The following NBEA variants were observed in gnomAD, a reference collection of about 807,000 sequenced individuals.
NBEA encodes the protein lysosomal-trafficking regulator 2.
Under a neutral mutation model 343.4 loss-of-function variants are expected in NBEA, and 44 were observed. That is an observed-to-expected ratio of 0.13 (90% CI 0.10 to 0.16). NBEA has a LOEUF of 0.16. NBEA is among the 10% of genes least tolerant of loss of function. The probability of loss-of-function intolerance (pLI) is 1.00; values close to 1 mark genes in which losing one functional copy is unlikely to be tolerated. For synonymous variants in NBEA, 1,175 were observed against 1,238.7 expected, an observed-to-expected ratio of 0.95 and a Z score of 1.08; for missense variants, 2,555 against 3,631.3, an observed-to-expected ratio of 0.70 and a Z score of 7.62.
At chr13:35,501,188 A>G (rs1301916277) in intron 41 of NBEA, among the ~76,000 whole-genome samples, 2 of 152,086 alleles carry the variant, frequency 1.3e-5, no homozygotes, top group African/African-American at 4.8e-5. Flanking sequence ...CCCTTTCAAA[A>G]GCTTTTCAGA....
intron 41 of NBEA, among the ~76,000 whole-genome samples, chr13:35,530,844 T>A (rs2078227779): frequency 1.3e-5 from 2 of 152,178 alleles, no homozygotes; most frequent in Admixed American, 6.5e-5. Context: ...CATGAAAACA[T>A]AGGATCATTA....
At chr13:35,514,144 T>C (rs914632195) in intron 41 of NBEA, among the ~76,000 whole-genome samples, 3 of 152,122 alleles carry the variant, frequency 2.0e-5, no homozygotes, top group Non-Finnish European at 4.4e-5. Flanking sequence ...ACATCAATTT[T>C]ATATAAAAGA....
chr13:35,635,411 T>C (rs922774206), intron 49 of NBEA, among the ~76,000 whole-genome samples: 1 of 152,204 alleles, frequency 6.6e-6, no homozygotes, highest in Non-Finnish European at 1.5e-5. Flanking sequence ...CAACAAATGA[T>C]CACAAAGTGG....
At chr13:35,038,979 T>TTAA (rs1284519286) in intron 1 of NBEA, among the ~76,000 whole-genome samples, 1 of 152,158 alleles carries the variant, frequency 6.6e-6, no homozygotes, top group Non-Finnish European at 1.5e-5. Context: ...CCTTTCAAGT[T>TTAA]TACTTAAACA....
At chr13:34,951,444 T>C (rs180835213) in intron 1 of NBEA, among the ~76,000 whole-genome samples, 1 of 152,302 alleles carries the variant, frequency 6.6e-6, no homozygotes, top group East Asian at 1.9e-4. Context: ...GTTTTAGTTA[T>C]TACCTTGGTC....
At chr13:35,196,631 G>A (rs1045768930) in intron 31 of NBEA, among the ~76,000 whole-genome samples, 2 of 152,072 alleles carry the variant, frequency 1.3e-5, no homozygotes, top group African/African-American at 2.4e-5. Flanking sequence ...ACATAATGGG[G>A]AAGGGGATGG....
intron 41 of NBEA, among the ~76,000 whole-genome samples, chr13:35,547,413 C>CTA (rs1345981416): frequency 1.3e-5 from 2 of 152,164 alleles, no homozygotes; most frequent in Non-Finnish European, 2.9e-5. Context: ...GACCATTATG[C>CTA]TCCCAGGCTG....
intron 22 of NBEA, among the ~76,000 whole-genome samples, chr13:35,161,384 CAT>C (rs2069547319): frequency 6.6e-6 from 1 of 152,124 alleles, no homozygotes; most frequent in Non-Finnish European, 1.5e-5. Context: ...TAGTTGATGA[CAT>C]ATATCCAGTA....
chr13:35,019,086 C>A (rs540890368), intron 1 of NBEA, among the ~76,000 whole-genome samples: 1 of 151,318 alleles, frequency 6.6e-6, no homozygotes, highest in Non-Finnish European at 1.5e-5. Context: ...ATCTTGCACT[C>A]CTGGGATAAA....
intron 41 of NBEA, among the ~76,000 whole-genome samples, chr13:35,493,136 G>A (rs2076557771): frequency 6.6e-6 from 1 of 151,826 alleles, no homozygotes; most frequent in African/African-American, 2.4e-5. Flanking sequence ...GAATTTTGGG[G>A]AAAGAAGACC....
At chr13:35,274,039 A>G (rs1594036049) in intron 34 of NBEA, among the ~76,000 whole-genome samples, 1 of 152,230 alleles carries the variant, frequency 6.6e-6, no homozygotes, top group Non-Finnish European at 1.5e-5. Context: ...ACCTGATACC[A>G]AAGCCTGGCA....
rs1250718026 is a variant in NBEA, at chr13:34,942,844, G to T, written c.24G>T (p.Pro8=). 7.3e-7 allele frequency: 1 copy of T among 1,365,500 alleles called. No homozygotes were observed. Among genetic ancestry groups the T allele is most frequent in the Non-Finnish European group, 9.5e-7 (1 of 1,056,376 alleles). 84.6% of individuals were successfully genotyped at this position (1,365,500 alleles called of 1,614,324 possible). A position where few individuals can be genotyped will look rare whatever the true frequency, so the allele number is the denominator to read the frequency against. ...CAATGGCTAGCGAGAAGCCGGGCCC[G>T]GGCCCGGGGCTCGAGCCTCAGCCCG... MASEKPG[P]GPGLEPQPVG... Residue 8 remains proline (P), a synonymous_variant, in exon 1 of 59, where the codon CCG becomes CCT. Coordinates refer to ENST00000379939, the MANE Select transcript of NBEA (RefSeq NM_001385012.1).
intron 34 of NBEA, among the ~76,000 whole-genome samples, chr13:35,281,268 A>G (rs2035033299): frequency 6.6e-6 from 1 of 152,144 alleles, no homozygotes; most frequent in South Asian, 2.1e-4. Flanking sequence ...AACCTATTTC[A>G]TTCCTATGAA....
chr13:35,319,318 A>G (rs1403565688), intron 36 of NBEA, among the ~76,000 whole-genome samples: 1 of 152,156 alleles, frequency 6.6e-6, no homozygotes, highest in African/African-American at 2.4e-5. Flanking sequence ...CATTGGTTTC[A>G]AAGAATTATT....
chr13:35,594,007 C>A (rs534853125), intron 47 of NBEA, among the ~76,000 whole-genome samples: 2 of 152,194 alleles, frequency 1.3e-5, no homozygotes, highest in East Asian at 1.9e-4. Context: ...AGTAATTTTA[C>A]AGTTGGTACT....
intron 26 of NBEA, 113 bp from the exon 27 acceptor site, chr13:35,173,351 A>G: frequency 1.1e-6 from 1 of 921,248 alleles, no homozygotes; most frequent in Non-Finnish European, 1.5e-6. Context: ...TTTAAGATTA[A>G]TAGTTTATGA....
intron 35 of NBEA, among the ~76,000 whole-genome samples, chr13:35,294,025 A>T (rs2035957714): frequency 6.6e-6 from 1 of 152,112 alleles, no homozygotes; most frequent in Admixed American, 6.6e-5. Context: ...AAAGCTAAAG[A>T]TGTATAAGTA....
chr13:35,390,910 T>A (rs2042469022), intron 38 of NBEA, among the ~76,000 whole-genome samples: 1 of 152,178 alleles, frequency 6.6e-6, no homozygotes, highest in African/African-American at 2.4e-5. Context: ...AATGCCTGAT[T>A]GAAGAGGAGT....
chr13:35,343,598 A>G (rs893023748), intron 36 of NBEA, among the ~76,000 whole-genome samples: 3 of 152,066 alleles, frequency 2.0e-5, no homozygotes, highest in African/African-American at 7.2e-5. Context: ...ACAAAGCTTC[A>G]TCTATATTTA....
Sources: gnomAD v4.1 joint callset for allele counts (sites outside exome capture counted in the v4.1 genomes callset) on GRCh38, gnomAD v4.1.1 for gene constraint, MANE v1.5 for transcripts, NCBI Gene and HGNC (gene_info 2026-07-23, HGNC 2026-07-21) for gene names.